Variants in SGCZ observed in about 807,000 individuals in gnomAD.
The protein encoded by SGCZ is zeta-sarcoglycan.
A neutral mutation model predicts 41.3 loss-of-function variants in SGCZ; 40 were observed. That is an observed-to-expected ratio of 0.97 (90% CI 0.75 to 1.26). The LOEUF (loss-of-function observed/expected upper bound fraction) is 1.26. Ranked by LOEUF, SGCZ falls within the 50% of genes most tolerant of loss-of-function variation. The probability of loss-of-function intolerance (pLI) is 0.00; values close to 1 mark genes in which losing one functional copy is unlikely to be tolerated. For synonymous variants in SGCZ, 206 were observed against 137.5 expected, an observed-to-expected ratio of 1.50 and a Z score of -3.49; for missense variants, 552 against 369.8, an observed-to-expected ratio of 1.49 and a Z score of -4.04.
chr8:14,967,606 T>G (rs754676531), intron 1 of SGCZ, among the ~76,000 whole-genome samples: 2 of 152,140 alleles, frequency 1.3e-5, no homozygotes, highest in Admixed American at 1.3e-4. Flanking sequence ...CTCACTGTAC[T>G]TTTCCATCCC....
intron 1 of SGCZ, among the ~76,000 whole-genome samples, chr8:14,975,476 T>G (rs1231125661): frequency 6.6e-6 from 1 of 152,144 alleles, no homozygotes; most frequent in Admixed American, 6.5e-5. Context: ...TAGGCTTCCA[T>G]GCTATCAATC....
At chr8:14,202,703 T>G (rs928130223) in intron 4 of SGCZ, among the ~76,000 whole-genome samples, 1 of 152,160 alleles carries the variant, frequency 6.6e-6, no homozygotes, top group African/African-American at 2.4e-5. Context: ...AACATTAATA[T>G]AGAAGTTAAA....
At chr8:14,315,644 C>A (rs1801689997) in intron 3 of SGCZ, among the ~76,000 whole-genome samples, 2 of 151,812 alleles carry the variant, frequency 1.3e-5, no homozygotes, top group Non-Finnish European at 2.9e-5. Flanking sequence ...TGAGATGTGG[C>A]CTAAACACTT....
intron 3 of SGCZ, 48 bp downstream of exon 3, chr8:14,324,055 T>C: frequency 7.5e-7 from 1 of 1,336,678 alleles, no homozygotes; most frequent in South Asian, 1.2e-5. Flanking sequence ...AGCTAAAACA[T>C]AACCTCTAAA....
intron 3 of SGCZ, among the ~76,000 whole-genome samples, chr8:14,323,363 A>G (rs1801992890): frequency 6.6e-6 from 1 of 152,062 alleles, no homozygotes; most frequent in Non-Finnish European, 1.5e-5. Context: ...ACTTTTATAT[A>G]ACACAATTTC....
chr8:15,158,153 T>C (rs981746322), intron 1 of SGCZ, among the ~76,000 whole-genome samples: 1 of 145,938 alleles, frequency 6.9e-6, no homozygotes, highest in Non-Finnish European at 1.5e-5. Context: ...ATCACAATTT[T>C]TCTAGTTTGC....
intron 1 of SGCZ, among the ~76,000 whole-genome samples, chr8:14,996,214 T>A (rs1172626290): frequency 6.6e-6 from 1 of 152,094 alleles, no homozygotes; most frequent in East Asian, 1.9e-4. Context: ...CTTATTTGCT[T>A]TTATGTCAAT....
chr8:15,125,559 G>A (rs1156836480), intron 1 of SGCZ, among the ~76,000 whole-genome samples: 2 of 151,932 alleles, frequency 1.3e-5, no homozygotes, highest in African/African-American at 2.4e-5. Context: ...CGATTTGCAG[G>A]CTCACATGTA....
chr8:14,441,390 C>A (rs142891268), intron 2 of SGCZ, among the ~76,000 whole-genome samples: 1 of 151,972 alleles, frequency 6.6e-6, no homozygotes, highest in Non-Finnish European at 1.5e-5. Flanking sequence ...TCCTGTCCAA[C>A]ATGGTGAAAC....
intron 1 of SGCZ, among the ~76,000 whole-genome samples, chr8:14,632,072 G>T (rs1230651118): frequency 1.3e-5 from 2 of 151,998 alleles, no homozygotes; most frequent in African/African-American, 4.8e-5. Context: ...TTGAAAGAGT[G>T]CAGTGGCACA....
intron 1 of SGCZ, among the ~76,000 whole-genome samples, chr8:14,661,897 T>A (rs1327230564): frequency 1.3e-5 from 2 of 151,788 alleles, no homozygotes; most frequent in Non-Finnish European, 2.9e-5. Flanking sequence ...CCAGAGACAA[T>A]GGGGTATCTT....
rs117745290 is a variant in SGCZ at position 14,179,966 on chromosome 8, G to T, written c.425-15264C>A. Among the ~76,000 whole-genome samples, 675 of 152,270 alleles carry T rather than the reference G, an allele frequency of 4.4e-3. 5 individuals carry two copies. The highest frequency in any genetic ancestry group is 7.6e-3 in the Non-Finnish European group (518 of 68,018). On this transcript the variant is annotated intron_variant, in intron 4 of 7. Transcript: ENST00000382080. ...GGTGAAACCGGCCCAAGCACTAGGGGCCTCTCTGCCACAGCACTCTTTTGT... is the reference window on the plus strand; with the variant it reads ...GGTGAAACCGGCCCAAGCACTAGGGTCCTCTCTGCCACAGCACTCTTTTGT...
chr8:14,885,985 T>TTATATATATATATATATATATA (rs71209089), intron 1 of SGCZ, among the ~76,000 whole-genome samples: 2 of 55,976 alleles, frequency 3.6e-5, no homozygotes, highest in East Asian at 1.0e-3. Context: ...GGACTTTATG[T>TTATATATATATATATATATATA]TATATATATA....
In SGCZ at chr8:14,724,464, C is replaced by T. The variant is rs528201679; in HGVS notation, c.40-169538G>A. 1.8e-3 allele frequency among the ~76,000 whole-genome samples: 275 copies of T among 151,722 alleles called. 3 individuals carry two copies. Among genetic ancestry groups the T allele is most frequent in the Middle Eastern group, 7.0e-3 (2 of 286 alleles). The stretch of plus-strand genomic sequence containing the variant: ...TTAAACTATTGTATTATTATATTAA[C>T]TTCAAATATTTTTAATAAAATGAAG... On this transcript the variant is annotated intron_variant, in intron 1 of 7. Transcript: ENST00000382080.
intron 2 of SGCZ, among the ~76,000 whole-genome samples, chr8:14,412,364 T>A (rs1184353562): frequency 6.6e-6 from 1 of 152,128 alleles, no homozygotes; most frequent in African/African-American, 2.4e-5. Context: ...CTACAGCAAC[T>A]ATTATAATTA....
chr8:14,982,089 G>T (rs569943058), intron 1 of SGCZ, among the ~76,000 whole-genome samples: 75 of 151,448 alleles, frequency 5.0e-4, no homozygotes, highest in African/African-American at 1.8e-3. Context: ...GGCGGAGTTT[G>T]CAGTGAGCCA....
At chr8:14,172,657 C>T (rs898923872) in intron 4 of SGCZ, among the ~76,000 whole-genome samples, 9 of 152,132 alleles carry the variant, frequency 5.9e-5, no homozygotes, top group African/African-American at 1.4e-4. Context: ...GTGTACTCCA[C>T]ATTCATTACA....
intron 1 of SGCZ, among the ~76,000 whole-genome samples, chr8:14,615,208 G>A (rs1806060452): frequency 6.6e-6 from 1 of 152,160 alleles, no homozygotes; most frequent in South Asian, 2.1e-4. Flanking sequence ...TGTTGACTCT[G>A]TACTTTGAAT....
At chr8:14,514,552 A>G (rs1585617840) in intron 2 of SGCZ, among the ~76,000 whole-genome samples, 1 of 151,332 alleles carries the variant, frequency 6.6e-6, no homozygotes, top group African/African-American at 2.4e-5. Context: ...TCAGTGTATG[A>G]ATTTTCTCAT....
Sources: gnomAD v4.1 joint callset for allele counts (sites outside exome capture counted in the v4.1 genomes callset) on GRCh38, gnomAD v4.1.1 for gene constraint, MANE v1.5 for transcripts, NCBI Gene and HGNC (gene_info 2026-07-23, HGNC 2026-07-21) for gene names.